Variants in MARF1 observed in about 807,000 individuals in gnomAD.
MARF1 encodes limkain-b1.
A neutral mutation model predicts 168.2 loss-of-function variants in MARF1; 24 were observed. The ratio of observed to expected loss-of-function variants is 0.14; its 90% CI spans 0.10 to 0.20. MARF1 has a LOEUF of 0.20. Among genes scored for constraint, MARF1 ranks in the 10% least tolerant of loss-of-function variants. The probability of loss-of-function intolerance (pLI) is 1.00; values close to 1 mark genes in which losing one functional copy is unlikely to be tolerated. For missense variants in MARF1, 1,744 were observed against 2,143.6 expected (o/e 0.81, Z 3.68); for synonymous variants, 868 against 822.4 (o/e 1.06, Z -0.95).
rs773695316 is a variant in MARF1, at chr16:15,625,547, T to C, written c.1778A>G (p.Lys593Arg). 1.9e-6 allele frequency: 3 copies of C among 1,614,240 alleles called. No individual in the cohort carries two copies. The highest frequency in any genetic ancestry group is 2.5e-6 in the Non-Finnish European group (3 of 1,180,040). ...TPKNRELCET[K>R]SSNAIADKVK... ...TTTATCAGCAATTGCATTTGAACTCTTTGTTTCACAGAGTTCTCTATTTTT... is the reference window on the plus strand; with the variant it reads ...TTTATCAGCAATTGCATTTGAACTCCTTGTTTCACAGAGTTCTCTATTTTT... The change falls in exon 8 of 27, where the codon AAG becomes AGG. Residue 593 changes from lysine (K) to arginine (R), a missense_variant. By Grantham distance (26) the Lys-to-Arg change is conservative. Coordinates refer to ENST00000396368, the MANE Select transcript of MARF1 (RefSeq NM_014647.4).
rs748064624 is a variant in MARF1 at position 15,611,566 on chromosome 16, C to T, written c.3617+26G>A. 5 of 1,599,386 alleles carry T rather than the reference C, an allele frequency of 3.1e-6. No homozygotes were observed. The Admixed American group carries it at 6.8e-5, about 22-fold the overall frequency. Reference sequence around the variant, plus strand: ...TAAAATGTCCTAAAATATTTACTTTCATTTCTGTTCTTTTCATCAACTCAC... The same window carrying T: ...TAAAATGTCCTAAAATATTTACTTTTATTTCTGTTCTTTTCATCAACTCAC... On this transcript the variant is annotated intron_variant, in intron 18 of 26. Transcript: ENST00000396368.
intron 15 of MARF1, 41 bp from the exon 16 acceptor site, chr16:15,616,046 C>A: frequency 1.4e-6 from 2 of 1,414,204 alleles, no homozygotes; most frequent in South Asian, 1.6e-5. Context: ...AAGGTTAAAT[C>A]AAAATAACAG....
Position 15,635,852 on chromosome 16 carries a change from A to T in MARF1, c.635T>A (p.Phe212Tyr), listed in dbSNP as rs2035558378. Reference sequence around the variant, plus strand: ...GGAGGTGCAGCCCTGCAGACTCGGAAACTGATGCAGCTTGTGCACATTACC... The same window carrying T: ...GGAGGTGCAGCCCTGCAGACTCGGATACTGATGCAGCTTGTGCACATTACC... ...CHGNVHKLHQFPSLQGCTSAG... is the reference protein window; with the variant it reads ...CHGNVHKLHQYPSLQGCTSAG... The change falls in exon 3 of 27, where the codon TTT becomes TAT. Residue 212 changes from phenylalanine to tyrosine, a missense_variant. Coordinates refer to ENST00000396368, the MANE Select transcript of MARF1 (RefSeq NM_014647.4). 6.2e-7 allele frequency: 1 copy of T among 1,614,122 alleles called. No individual in the cohort carries two copies. The highest frequency in any genetic ancestry group is 1.7e-5 in the Admixed American group (1 of 60,006).
At chr16:15,622,097 T>C (rs761470533) in intron 11 of MARF1, among the ~76,000 whole-genome samples, 186 bp from the exon 12 acceptor site, 1 of 152,168 alleles carries the variant, frequency 6.6e-6, no homozygotes, top group Non-Finnish European at 1.5e-5. Flanking sequence ...TTTAGAGATG[T>C]GACACTGGCC....
intron 16 of MARF1, among the ~76,000 whole-genome samples, chr16:15,613,378 G>A (rs920699693): frequency 4.6e-5 from 7 of 152,108 alleles, no homozygotes; most frequent in East Asian, 1.9e-4. Context: ...TGCTGGTCGC[G>A]GCGGCTCATG....
chr16:15,605,875 G>A (rs982630583), intron 21 of MARF1: 1 of 152,390 alleles, frequency 6.6e-6, no homozygotes, highest in Non-Finnish European at 1.5e-5. Flanking sequence ...CATGGCGTGG[G>A]GTCTTCCTAT....
chr16:15,606,579 G>A (rs571453081), intron 21 of MARF1, among the ~76,000 whole-genome samples: 1 of 152,112 alleles, frequency 6.6e-6, no homozygotes, highest in African/African-American at 2.4e-5. Flanking sequence ...CCTCTCTCTA[G>A]TGGAAAACCA....
At chr16:15,608,970 G>A (rs561375080) in intron 20 of MARF1, among the ~76,000 whole-genome samples, 1 of 152,214 alleles carries the variant, frequency 6.6e-6, no homozygotes, top group South Asian at 2.1e-4. Flanking sequence ...CAGGTGTGGT[G>A]GCTCACGCCT....
At chr16:15,614,080 T>C (rs2033827499) in intron 16 of MARF1, among the ~76,000 whole-genome samples, 1 of 152,200 alleles carries the variant, frequency 6.6e-6, no homozygotes, top group Admixed American at 6.5e-5. Context: ...TCTTTTAAAT[T>C]TATTTTCACA....
At position 15,630,403 on chromosome 16, in the gene MARF1, G is replaced by C; in HGVS notation, c.1453C>G (p.His485Asp). 6.2e-7 allele frequency: 1 copy of C among 1,614,078 alleles called. No individual in the cohort carries two copies. The highest frequency in any genetic ancestry group is 1.1e-5 in the South Asian group (1 of 91,064). ...TCAAATCTGATCAGCTCGTTAGCAT[G>C]ATGCAGCAGTGCTTCTGAGGCCTGG... is the stretch of plus-strand genomic sequence containing the variant. The part of the protein sequence containing the change: ...KNQASEALLH[H>D]ANELIRFEEF... The change falls in exon 7 of 27, where the codon CAT (histidine) becomes GAT (aspartate). Residue 485 changes from histidine (H) to aspartate (D), a missense_variant. Transcript: ENST00000396368.
intron 2 of MARF1, among the ~76,000 whole-genome samples, chr16:15,636,924 T>C (rs2035636782): frequency 6.6e-6 from 1 of 152,156 alleles, no homozygotes; most frequent in African/African-American, 2.4e-5. Context: ...CCTAAAGCCA[T>C]AATGACAATT....
At position 15,623,051 on chromosome 16, in the gene MARF1, G is replaced by A. The variant is rs758786189; in HGVS notation, c.2343C>T (p.Ala781=). The change falls in exon 11 of 27, where the codon GCC becomes GCT. Residue 781 remains alanine, a synonymous_variant. Coordinates refer to ENST00000396368, the MANE Select transcript of MARF1 (RefSeq NM_014647.4). ...AFNIANSSSE[A]DCPDPFANGA... is the part of the protein sequence containing the mutation. ...CATTTGCAAATGGGTCTGGGCAGTC[G>A]GCTTCGCTGCTCGAATTTGCAATGT... The A allele has an allele frequency of 2.1e-5, 34 of 1,610,540 alleles. No individual in the cohort carries two copies. Among genetic ancestry groups the A allele is most frequent in the African/African-American group, 4.0e-5 (3 of 74,874 alleles).
chr16:15,612,536 T>C, intron 17 of MARF1, 21 bp downstream of exon 17: 2 of 1,596,492 alleles, frequency 1.3e-6, no homozygotes, highest in Non-Finnish European at 1.7e-6. Context: ...TGTAAACAAG[T>C]AATCCCGTGA....
chr16:15,628,798 A>G (rs573556371), intron 7 of MARF1, among the ~76,000 whole-genome samples: 3 of 152,230 alleles, frequency 2.0e-5, no homozygotes, highest in Admixed American at 2.0e-4. Flanking sequence ...CACTTTTCCT[A>G]TTACACCTGG....
intron 22 of MARF1, chr16:15,602,577 A>G (rs1567531207): frequency 4.2e-6 from 2 of 477,918 alleles, no homozygotes; most frequent in Non-Finnish European, 4.1e-6. Flanking sequence ...AAGATGAAGA[A>G]GATGAAGATG....
At chr16:15,633,031 T>A (rs939011955) in intron 5 of MARF1, among the ~76,000 whole-genome samples, 2 of 151,732 alleles carry the variant, frequency 1.3e-5, no homozygotes, top group South Asian at 2.1e-4. Context: ...AAATATAAAT[T>A]AGGGAGCATA....
intron 4 of MARF1, among the ~76,000 whole-genome samples, chr16:15,634,283 TTTGAG>T (rs1346137732): frequency 2.6e-5 from 4 of 152,238 alleles, no homozygotes; most frequent in Non-Finnish European, 4.4e-5. Flanking sequence ...TGTCGTTGAT[TTTGAG>T]TTAACGCTGC....
In MARF1 at chr16:15,626,161, A is replaced by T. The variant is rs183764322; in HGVS notation, c.1525-361T>A. Among the ~76,000 whole-genome samples the T allele has an allele frequency of 8.6e-4, 131 of 152,300 alleles. 3 individuals carry two copies. Among genetic ancestry groups the T allele is most frequent in the Non-Finnish European group, 5.9e-5 (4 of 68,022 alleles). ...ATAAAAAAGAATATGCTAGGCACAGAGGTCTGTATACTATATGATTCCATT... is the reference window on the plus strand; with the variant it reads ...ATAAAAAAGAATATGCTAGGCACAGTGGTCTGTATACTATATGATTCCATT... On this transcript the variant is annotated intron_variant, in intron 7 of 26. Coordinates refer to ENST00000396368, the MANE Select transcript of MARF1 (RefSeq NM_014647.4).
chr16:15,604,872 GT>G (rs1391681789), intron 21 of MARF1, among the ~76,000 whole-genome samples: 1 of 152,138 alleles, frequency 6.6e-6, no homozygotes, highest in Non-Finnish European at 1.5e-5. Flanking sequence ...GGCTGGGGAG[GT>G]GAGAGAGGGC....
Sources: gnomAD v4.1 joint callset for allele counts (sites outside exome capture counted in the v4.1 genomes callset) on GRCh38, gnomAD v4.1.1 for gene constraint, MANE v1.5 for transcripts, NCBI Gene and HGNC (gene_info 2026-07-23, HGNC 2026-07-21) for gene names.